The following PUM1 variants were observed in gnomAD, a reference collection of about 807,000 sequenced individuals.
The protein encoded by PUM1 is pumilio RNA binding family member 1.
PUM1 carries 13 observed loss-of-function variants against 131.8 expected under a neutral mutation model. That is an observed-to-expected ratio of 0.10 (90% confidence interval 0.06 to 0.16). The LOEUF is 0.16. Among genes scored for constraint, PUM1 ranks in the 10% least tolerant of loss-of-function variants. The pLI, the probability that PUM1 is intolerant of heterozygous loss-of-function variation, is 1.00. For synonymous variants in PUM1, 509 were observed against 556.5 expected (o/e 0.91, Z 1.20); for missense variants, 961 against 1,512.4 (o/e 0.64, Z 6.05).
chr1:31,020,855 C>T (rs534786182), intron 3 of PUM1, among the ~76,000 whole-genome samples: 1 of 152,312 alleles, frequency 6.6e-6, no homozygotes, highest in South Asian at 2.1e-4. Context: ...CCACATCATG[C>T]ACCAATTAAT....
intron 21 of PUM1, among the ~76,000 whole-genome samples, chr1:30,933,863 G>T (rs947814932): frequency 1.3e-5 from 2 of 152,200 alleles, no homozygotes; most frequent in Non-Finnish European, 2.9e-5. Context: ...TCAATGACAA[G>T]AAGAGAAATG....
intron 14 of PUM1, 129 bp from the exon 15 acceptor site, chr1:30,954,110 A>T (rs553171073): frequency 1.0e-6 from 1 of 999,720 alleles, no homozygotes; most frequent in Admixed American, 2.7e-5. Context: ...TTTTGTGTCA[A>T]GACAATTCTA....
chr1:30,933,441 C>G, intron 21 of PUM1, 99 bp from the exon 22 acceptor site: 29 of 146,926 alleles, frequency 2.0e-4, no homozygotes, highest in Non-Finnish European at 1.7e-4. Flanking sequence ...CACACACATA[C>G]ACACACACAC....
At chr1:30,973,615 A>C (rs1301564625) in intron 10 of PUM1, among the ~76,000 whole-genome samples, 1 of 152,256 alleles carries the variant, frequency 6.6e-6, no homozygotes, top group Non-Finnish European at 1.5e-5. Flanking sequence ...ACTAAATAAC[A>C]CAGTAAAGTA....
intron 2 of PUM1, among the ~76,000 whole-genome samples, chr1:31,058,696 G>A (rs550018570): frequency 6.9e-4 from 103 of 148,768 alleles, no homozygotes; most frequent in Non-Finnish European, 1.3e-3. Context: ...TAGGCCGGGC[G>A]TGGGTGGCTC....
At chr1:31,057,535 G>A (rs899276377) in intron 2 of PUM1, among the ~76,000 whole-genome samples, 1 of 151,554 alleles carries the variant, frequency 6.6e-6, no homozygotes. Context: ...GACCAGCCCG[G>A]CCAACATGGT....
intron 2 of PUM1, among the ~76,000 whole-genome samples, chr1:31,034,313 T>C: frequency 6.6e-6 from 1 of 152,176 alleles, no homozygotes; most frequent in East Asian, 1.9e-4. Flanking sequence ...AGAGTATCAC[T>C]GAGTTGGGGA....
intron 12 of PUM1, chr1:30,966,524 A>T (rs1640626324): frequency 4.5e-6 from 2 of 443,558 alleles, no homozygotes; most frequent in Non-Finnish European, 7.9e-6. Context: ...TATACAGATT[A>T]AAAGGGGTAT....
chr1:31,040,147 TA>T (rs1349894046), intron 2 of PUM1, among the ~76,000 whole-genome samples: 6 of 152,158 alleles, frequency 3.9e-5, no homozygotes, highest in Non-Finnish European at 7.4e-5. Flanking sequence ...CTAGAACTCC[TA>T]GGCTCATGCG....
intron 9 of PUM1, among the ~76,000 whole-genome samples, chr1:30,979,785 G>C (rs947337567): frequency 6.6e-6 from 1 of 152,100 alleles, no homozygotes. Context: ...CTGGGCAAGG[G>C]GGGAAATTCC....
intron 5 of PUM1, among the ~76,000 whole-genome samples, chr1:31,005,433 G>C (rs1318341865): frequency 6.6e-6 from 1 of 152,232 alleles, no homozygotes; most frequent in Admixed American, 6.5e-5. Flanking sequence ...CTATATTAAG[G>C]TTTCTCGGGT....
chr1:30,956,668 G>A (rs1640178542), intron 14 of PUM1, among the ~76,000 whole-genome samples: 1 of 152,176 alleles, frequency 6.6e-6, no homozygotes, highest in African/African-American at 2.4e-5. Flanking sequence ...CAGGTATGGG[G>A]AAAGTGTGGC....
chr1:30,964,077 G>A (rs1479747468), intron 14 of PUM1, among the ~76,000 whole-genome samples: 1 of 151,880 alleles, frequency 6.6e-6, no homozygotes, highest in Non-Finnish European at 1.5e-5. Context: ...CTATTTTCTA[G>A]AATCTAGATG....
intron 2 of PUM1, among the ~76,000 whole-genome samples, chr1:31,042,204 G>A (rs1009780497): frequency 2.0e-5 from 3 of 151,968 alleles, no homozygotes; most frequent in Non-Finnish European, 2.9e-5. Context: ...TACTCAGGAG[G>A]CTGAGGCATG....
chr1:30,999,531 C>T (rs557360163), intron 5 of PUM1, among the ~76,000 whole-genome samples: 30 of 140,766 alleles, frequency 2.1e-4, no homozygotes, highest in African/African-American at 1.3e-4. Flanking sequence ...CGCTTGAACC[C>T]TGGAGGCAGA....
At chr1:31,018,650 T>TC (rs1027513079) in intron 3 of PUM1, among the ~76,000 whole-genome samples, 2 of 152,100 alleles carry the variant, frequency 1.3e-5, no homozygotes, top group Admixed American at 1.3e-4. Flanking sequence ...AGAGCAAGGC[T>TC]CCATCTCAAA....
At chr1:30,989,525 T>A (rs753455304) in intron 7 of PUM1, among the ~76,000 whole-genome samples, 54 of 124,320 alleles carry the variant, frequency 4.3e-4, no homozygotes, top group Non-Finnish European at 7.1e-4. Flanking sequence ...TGAGCCAAGA[T>A]CGTACCACTG....
chr1:30,990,795 C>T (rs1369554997), intron 7 of PUM1, among the ~76,000 whole-genome samples: 1 of 152,150 alleles, frequency 6.6e-6, no homozygotes, highest in Admixed American at 6.5e-5. Context: ...AAGACATGCA[C>T]AGGAAACCTG....
rs889283180 is a variant in PUM1, at chr1:31,000,961, C to T, written c.720+4892G>A. ...CAGCACTTTGGGAGGCTGAGGCGGG[C>T]GGATCACGAGGTCAGGAGAGCGAGA... On this transcript the variant is annotated intron_variant, in intron 5 of 21. Transcript: ENST00000426105. Among the ~76,000 whole-genome samples, 39 of 151,962 alleles carry T rather than the reference C, an allele frequency of 2.6e-4. 1 individual carries two copies. Among genetic ancestry groups the T allele is most frequent in the African/African-American group, 8.2e-4 (34 of 41,394 alleles).
Sources: gnomAD v4.1 joint callset for allele counts (sites outside exome capture counted in the v4.1 genomes callset) on GRCh38, gnomAD v4.1.1 for gene constraint, MANE v1.5 for transcripts, NCBI Gene and HGNC (gene_info 2026-07-23, HGNC 2026-07-21) for gene names.